The following SNX6 variants were observed in gnomAD, a reference collection of about 807,000 sequenced individuals.
SNX6 encodes the protein sorting nexin-6.
Under a neutral mutation model 63.0 loss-of-function variants are expected in SNX6, and 34 were observed. That is an observed-to-expected ratio of 0.54 (90% CI 0.41 to 0.72). SNX6 has a LOEUF of 0.72. Ranked by LOEUF, SNX6 falls within the 30% of genes least tolerant of loss-of-function variation. The probability of loss-of-function intolerance (pLI) is 0.00; values close to 1 mark genes in which losing one functional copy is unlikely to be tolerated. For synonymous variants in SNX6, 170 were observed against 164.2 expected (o/e 1.04, Z -0.27); for missense variants, 398 against 471.4 (o/e 0.84, Z 1.44).
chr14:34,600,063 T>C (rs1408798939), intron 6 of SNX6, among the ~76,000 whole-genome samples: 1 of 152,204 alleles, frequency 6.6e-6, no homozygotes, highest in Admixed American at 6.6e-5. Context: ...CAATCCATTC[T>C]GTTGCCTGGG....
intron 10 of SNX6, 84 bp from the exon 11 acceptor site, chr14:34,575,926 T>TA: frequency 1.3e-6 from 1 of 770,708 alleles, no homozygotes; most frequent in Non-Finnish European, 2.0e-6. Flanking sequence ...GTTGTTGTTT[T>TA]TTTGTTTTTT....
rs375405317 is a variant in SNX6 at position 34,629,924 on chromosome 14, A to C, written c.37T>G (p.Ser13Ala). The C allele has an allele frequency of 4.8e-5, 75 of 1,553,544 alleles. 1 individual carries two copies. In the South Asian group the frequency reaches 8.4e-4, roughly 17 times the overall value. The change falls in exon 2 of 14, where the codon TCA (serine) becomes GCA (alanine). Residue 13 changes from serine (S) to alanine (A), a missense_variant. Coordinates refer to ENST00000362031, the MANE Select transcript of SNX6 (RefSeq NM_152233.4). The part of the protein sequence containing the change: ...EGLDDGPDFL[S>A]EEDRGLKAIN... ...GAACTTACTCCGCGGTCCTCTTCTG[A>C]GAGGAAGTCCGGGCCGTCGTCCAGG...
intron 8 of SNX6, among the ~76,000 whole-genome samples, chr14:34,592,824 G>A (rs913638807): frequency 2.6e-5 from 4 of 152,236 alleles, no homozygotes; most frequent in Middle Eastern, 3.4e-3. Flanking sequence ...TGATATTCCC[G>A]CTTCAGCCTC....
intron 2 of SNX6, among the ~76,000 whole-genome samples, chr14:34,624,001 A>G (rs1373825546): frequency 6.6e-5 from 10 of 152,184 alleles, no homozygotes; most frequent in Non-Finnish European, 1.3e-4. Context: ...GGGGAGGAAA[A>G]ACCTATTATA....
intron 9 of SNX6, among the ~76,000 whole-genome samples, chr14:34,584,712 C>T (rs1215976301): frequency 6.6e-6 from 1 of 151,386 alleles, no homozygotes; most frequent in Non-Finnish European, 1.5e-5. Flanking sequence ...ACAAATCAGC[C>T]CATTTTCATA....
At chr14:34,565,077 C>CT (rs34722757) in intron 13 of SNX6, among the ~76,000 whole-genome samples, 2,871 of 131,218 alleles carry the variant, frequency 0.022, 93 homozygotes, top group African/African-American at 0.068. Flanking sequence ...CATGTCATGA[C>CT]TTTTTTTTTT....
At chr14:34,577,843 G>C (rs1460149963) in intron 10 of SNX6, among the ~76,000 whole-genome samples, 1 of 152,070 alleles carries the variant, frequency 6.6e-6, no homozygotes, top group Admixed American at 6.6e-5. Context: ...AAAAGAGATA[G>C]GTATGCATAA....
intron 2 of SNX6, among the ~76,000 whole-genome samples, chr14:34,627,725 G>A (rs1041929845): frequency 2.0e-5 from 3 of 152,030 alleles, no homozygotes; most frequent in African/African-American, 7.2e-5. Context: ...CCTGACCTCA[G>A]GTGATCCACT....
intron 8 of SNX6, among the ~76,000 whole-genome samples, chr14:34,590,765 A>C (rs985346546): frequency 1.3e-5 from 2 of 152,204 alleles, no homozygotes; most frequent in African/African-American, 4.8e-5. Context: ...GTATTACCCA[A>C]GAGAAAGAAA....
chr14:34,597,618 CTT>C lies in SNX6; in HGVS notation c.542_543del (p.Lys181ArgfsTer4). On this transcript the variant is annotated frameshift_variant, in exon 7 of 14. Transcript: ENST00000362031. LOFTEE classifies it high-confidence loss of function. ...TTTTTAAAGAAGTCTTCAAGTTTCTCTTTTTTATTTTTTCCTCGCACACTCAA... is the reference window on the plus strand; with the variant it reads ...TTTTTAAAGAAGTCTTCAAGTTTCTCTTTTATTTTTTCCTCGCACACTCAA... ...QDLSVRGKNK[K>X]EKLEDFFKNM... The C allele has an allele frequency of 6.2e-7, 1 of 1,606,434 alleles. No individual in the cohort carries two copies. Among genetic ancestry groups the C allele is most frequent in the Non-Finnish European group, 8.5e-7 (1 of 1,175,608 alleles).
At chr14:34,589,950 C>A (rs780092197) in intron 8 of SNX6, among the ~76,000 whole-genome samples, 1 of 152,054 alleles carries the variant, frequency 6.6e-6, no homozygotes, top group Admixed American at 6.6e-5. Flanking sequence ...GTCTCTACCC[C>A]CTCAGCAGCA....
chr14:34,563,311 C>CA, intron 13 of SNX6, 136 bp from the exon 14 acceptor site: 1 of 747,856 alleles, frequency 1.3e-6, no homozygotes, highest in Non-Finnish European at 2.2e-6. Context: ...GTAATCCCAG[C>CA]ACTCTGGGAG....
At chr14:34,564,871 A>C (rs1881100080) in intron 13 of SNX6, among the ~76,000 whole-genome samples, 2 of 151,754 alleles carry the variant, frequency 1.3e-5, no homozygotes, top group East Asian at 3.9e-4. Context: ...CTGGACACTG[A>C]CATCAATCTC....
chr14:34,612,265 T>C (rs1883261426), intron 2 of SNX6, among the ~76,000 whole-genome samples: 3 of 152,058 alleles, frequency 2.0e-5, no homozygotes, highest in South Asian at 2.1e-4. Context: ...ATGTTTATTG[T>C]GGTAGGCTGA....
chr14:34,620,926 A>G (rs1883598223), intron 2 of SNX6, among the ~76,000 whole-genome samples: 1 of 152,054 alleles, frequency 6.6e-6, no homozygotes, highest in Non-Finnish European at 1.5e-5. Context: ...TGGGTGATAA[A>G]GTGAGACTCC....
At chr14:34,592,918 T>C (rs1882454057) in intron 8 of SNX6, 127 bp downstream of exon 8, 1 of 674,758 alleles carries the variant, frequency 1.5e-6, no homozygotes, top group Non-Finnish European at 2.5e-6. Flanking sequence ...AAAAGGGCCA[T>C]GGAGCCTAGG....
At chr14:34,611,000 T>C (rs1366969404) in intron 2 of SNX6, among the ~76,000 whole-genome samples, 2 of 152,080 alleles carry the variant, frequency 1.3e-5, no homozygotes, top group Admixed American at 6.6e-5. Flanking sequence ...TGTATATATA[T>C]ATATAATTCT....
At chr14:34,619,039 A>G (rs1883527131) in intron 2 of SNX6, among the ~76,000 whole-genome samples, 1 of 152,204 alleles carries the variant, frequency 6.6e-6, no homozygotes, top group African/African-American at 2.4e-5. Context: ...AGGAGGGAAG[A>G]GGAAAGAAAG....
intron 6 of SNX6, among the ~76,000 whole-genome samples, chr14:34,599,207 T>C (rs906357608): frequency 2.0e-5 from 3 of 152,224 alleles, no homozygotes; most frequent in Non-Finnish European, 4.4e-5. Context: ...CCATAAGCTC[T>C]TTCCTTAACT....
Sources: allele counts gnomAD v4.1 joint callset (sites outside exome capture counted in the v4.1 genomes callset), GRCh38; gene constraint gnomAD v4.1.1; transcripts MANE v1.5; gene names NCBI Gene and HGNC (gene_info 2026-07-23, HGNC 2026-07-21).